The following KCNK5 variants were observed in gnomAD, a reference collection of about 807,000 sequenced individuals.
KCNK5 encodes the protein potassium channel subfamily K member 5.
Under a neutral mutation model 32.9 loss-of-function variants are expected in KCNK5, and 18 were observed. That is an observed-to-expected ratio of 0.55 (90% CI 0.38 to 0.81). The LOEUF (loss-of-function observed/expected upper bound fraction) is 0.81. KCNK5 is among the 30% of genes least tolerant of loss of function. The pLI is 0.00. For missense variants in KCNK5, 507 were observed against 651.0 expected, an observed-to-expected ratio of 0.78 and a Z score of 2.41; for synonymous variants, 276 against 275.3, an observed-to-expected ratio of 1.00 and a Z score of -0.03.
chr6:39,203,640 C>T (rs1259842586), intron 1 of KCNK5, among the ~76,000 whole-genome samples: 1 of 152,222 alleles, frequency 6.6e-6, no homozygotes, highest in East Asian at 1.9e-4. Flanking sequence ...CCTCCCAGCC[C>T]CCACCCAGCG....
intron 1 of KCNK5, among the ~76,000 whole-genome samples, chr6:39,219,721 C>T (rs1771506657): frequency 6.6e-6 from 1 of 152,156 alleles, no homozygotes; most frequent in Non-Finnish European, 1.5e-5. Flanking sequence ...CAGCTTTTGG[C>T]ATCCCCCTGA....
chr6:39,191,037 C>G lies in KCNK5; in HGVS notation c.1353G>C (p.Gln451His). The stretch of plus-strand genomic sequence containing the variant: ...TCAGGGGCGCCTTGGCTTCAGCCCC[C>G]TGCTGGGGGCTCTCCTCCCCTGCCA... ...DNLAGEESPQ[Q>H]GAEAKAPLNM... Residue 451 changes from glutamine (Q) to histidine (H), a missense_variant, in exon 5 of 5, where the codon CAG becomes CAC. Gln to His is a conservative substitution (Grantham distance 24, BLOSUM62 0). Coordinates refer to ENST00000359534, the MANE Select transcript of KCNK5 (RefSeq NM_003740.4). The surrounding 1 kb of genome is among the most constrained non-coding windows in gnomAD (Gnocchi z 5.8). 6.2e-7 allele frequency: 1 copy of G among 1,609,010 alleles called. No individual in the cohort carries two copies. The highest frequency in any genetic ancestry group is 8.5e-7 in the Non-Finnish European group (1 of 1,177,504).
At chr6:39,209,971 G>A (rs1206019512) in intron 1 of KCNK5, among the ~76,000 whole-genome samples, 1 of 152,238 alleles carries the variant, frequency 6.6e-6, no homozygotes, top group Non-Finnish European at 1.5e-5. Flanking sequence ...AGGCAAGTTA[G>A]AGATGCTCCC....
At chr6:39,219,144 G>T (rs1771496296) in intron 1 of KCNK5, among the ~76,000 whole-genome samples, 1 of 152,188 alleles carries the variant, frequency 6.6e-6, no homozygotes, top group African/African-American at 2.4e-5. Context: ...GACCTCTGCT[G>T]CCTGGGCCTT....
intron 1 of KCNK5, among the ~76,000 whole-genome samples, chr6:39,217,118 C>CAAAAAAAAAAAAAAAAAAA (rs57204833): frequency 2.7e-5 from 2 of 74,442 alleles, no homozygotes; most frequent in African/African-American, 4.6e-5. Context: ...AAAACTCCAT[C>CAAAAAAAAAAAAAAAAAAA]AAAAAAAAAA....
chr6:39,193,460 C>T lies in KCNK5; in HGVS notation c.634+709G>A, dbSNP rs80242361. 3.8e-4 allele frequency among the ~76,000 whole-genome samples: 58 copies of T among 152,374 alleles called. 1 individual carries two copies. The East Asian group carries it at 0.011, about 28-fold the overall frequency. On this transcript the variant is annotated intron_variant, in intron 4 of 4. Coordinates refer to ENST00000359534, the MANE Select transcript of KCNK5 (RefSeq NM_003740.4). Reference sequence around the variant, plus strand: ...AGGCCTCTGGAGCAGAAGTTGAGGTCACTGGGGTGGTGGGTCAACAGGGTC... The same window carrying T: ...AGGCCTCTGGAGCAGAAGTTGAGGTTACTGGGGTGGTGGGTCAACAGGGTC...
At chr6:39,223,752 G>GC (rs1771601557) in intron 1 of KCNK5, among the ~76,000 whole-genome samples, 1 of 152,180 alleles carries the variant, frequency 6.6e-6, no homozygotes. Flanking sequence ...CCAGCAAACA[G>GC]CCAAGTTCAA....
intron 1 of KCNK5, among the ~76,000 whole-genome samples, chr6:39,227,122 G>A (rs867167473): frequency 1.6e-5 from 1 of 62,414 alleles, no homozygotes; most frequent in African/African-American, 6.2e-5. Flanking sequence ...CCCCCCCGCC[G>A]TATGCCCCGC....
chr6:39,211,056 G>T (rs1054537403), intron 1 of KCNK5, among the ~76,000 whole-genome samples: 1 of 151,956 alleles, frequency 6.6e-6, no homozygotes, highest in East Asian at 1.9e-4. Context: ...AATTTTAGCC[G>T]TCCCCTTCTT....
intron 1 of KCNK5, among the ~76,000 whole-genome samples, chr6:39,209,578 G>C: frequency 6.6e-6 from 1 of 152,232 alleles, no homozygotes; most frequent in East Asian, 1.9e-4. Flanking sequence ...TGGGGCCCAG[G>C]ATGAGAGGCC....
intron 1 of KCNK5, among the ~76,000 whole-genome samples, chr6:39,204,686 G>A (rs189316562): frequency 2.1e-4 from 32 of 152,318 alleles, no homozygotes; most frequent in Non-Finnish European, 3.5e-4. Context: ...AGTTTCAAAC[G>A]CACTGCCCTA....
intron 1 of KCNK5, among the ~76,000 whole-genome samples, chr6:39,213,496 A>G (rs965851697): frequency 6.6e-6 from 1 of 152,166 alleles, no homozygotes; most frequent in African/African-American, 2.4e-5. Context: ...CCTCAGGCCC[A>G]CTTTGAGAAA....
chr6:39,198,420 G>A, intron 1 of KCNK5, among the ~76,000 whole-genome samples: 1 of 152,226 alleles, frequency 6.6e-6, no homozygotes, highest in South Asian at 2.1e-4. Context: ...TTGGGGATAA[G>A]GATGGGATGG....
At chr6:39,200,651 CA>C (rs1167581584) in intron 1 of KCNK5, among the ~76,000 whole-genome samples, 3 of 152,164 alleles carry the variant, frequency 2.0e-5, no homozygotes, top group African/African-American at 7.2e-5. Flanking sequence ...GCTGAAAAAA[CA>C]GTGCCCTAAA....
In KCNK5 at chr6:39,206,475, C is replaced by T. The variant is rs566565137; in HGVS notation, c.187-10488G>A. ...TCTAAAAACAGTCCTTGGAGCAGGCCAGAAAGGTGGCTGTGGGAACTGCTG... is the reference window on the plus strand; with the variant it reads ...TCTAAAAACAGTCCTTGGAGCAGGCTAGAAAGGTGGCTGTGGGAACTGCTG... On this transcript the variant is annotated intron_variant, in intron 1 of 4. Coordinates refer to ENST00000359534, the MANE Select transcript of KCNK5 (RefSeq NM_003740.4). Among the ~76,000 whole-genome samples, 4 of 152,282 alleles carry T rather than the reference C, an allele frequency of 2.6e-5. No homozygotes were observed. In the East Asian group the frequency reaches 7.7e-4, roughly 29 times the overall value.
At chr6:39,198,024 T>C (rs968007558) in intron 1 of KCNK5, among the ~76,000 whole-genome samples, 7 of 152,160 alleles carry the variant, frequency 4.6e-5, no homozygotes, top group Non-Finnish European at 7.3e-5. Flanking sequence ...AGGAGAATGT[T>C]TGGAACATGC....
intron 1 of KCNK5, among the ~76,000 whole-genome samples, chr6:39,223,778 C>T (rs1562059334): frequency 6.6e-6 from 1 of 152,194 alleles, no homozygotes; most frequent in Non-Finnish European, 1.5e-5. Context: ...AAGCCTTTGG[C>T]CCGAGGTCAG....
chr6:39,218,070 CTTTTT>C (rs796153225), intron 1 of KCNK5, among the ~76,000 whole-genome samples: 2 of 130,378 alleles, frequency 1.5e-5, no homozygotes, highest in Non-Finnish European at 1.6e-5. Context: ...ACTTACAGGC[CTTTTT>C]TTTTTTTTTT....
intron 1 of KCNK5, among the ~76,000 whole-genome samples, chr6:39,199,094 C>G (rs947804163): frequency 6.6e-6 from 1 of 152,092 alleles, no homozygotes; most frequent in Non-Finnish European, 1.5e-5. Context: ...TATGTTTATT[C>G]TAATGGGTGA....
Sources: gnomAD v4.1 joint callset for allele counts (sites outside exome capture counted in the v4.1 genomes callset) on GRCh38, gnomAD v4.1.1 for gene constraint, Gnocchi (gnomAD v3.1) non-coding constraint, MANE v1.5 for transcripts, NCBI Gene and HGNC (gene_info 2026-07-23, HGNC 2026-07-21) for gene names.